The following ZC3H18 variants were observed in gnomAD, a reference collection of about 807,000 sequenced individuals.
ZC3H18 encodes the protein zinc finger CCCH-type containing 18, also known as zinc finger CCCH domain-containing protein 18.
Under a neutral mutation model 106.1 loss-of-function variants are expected in ZC3H18, and 8 were observed. The observed-to-expected ratio is 0.08, with a 90% CI of 0.04 to 0.14. ZC3H18 has a LOEUF of 0.14. ZC3H18 is among the 10% of genes least tolerant of loss of function. The pLI is 1.00. For missense variants in ZC3H18, 1,318 were observed against 1,278.4 expected (o/e 1.03, Z -0.47); for synonymous variants, 635 against 522.1 (o/e 1.22, Z -2.95).
chr16:88,624,169 G>C, intron 11 of ZC3H18, 107 bp downstream of exon 11: 1 of 1,475,164 alleles, frequency 6.8e-7, no homozygotes, highest in South Asian at 1.3e-5. Context: ...AAAGAGGTGA[G>C]GATGCCTCAG....
intron 8 of ZC3H18, among the ~76,000 whole-genome samples, chr16:88,613,244 TTC>T (rs1905372188): frequency 6.6e-6 from 1 of 152,200 alleles, no homozygotes; most frequent in Non-Finnish European, 1.5e-5. Context: ...CGCATTGCAT[TTC>T]TCTGTTCGTC....
Position 88,611,210 on chromosome 16 carries a change from G to C in ZC3H18, c.1207-58G>C. The C allele has an allele frequency of 4.2e-6, 3 of 715,912 alleles. No individual in the cohort carries two copies. The South Asian group carries it at 4.7e-5, about 11-fold the overall frequency. 44.3% of individuals were successfully genotyped at this position (715,912 alleles called of 1,614,324 possible). On this transcript the variant is annotated intron_variant, in intron 7 of 17. Coordinates refer to ENST00000301011, the MANE Select transcript of ZC3H18 (RefSeq NM_144604.4). ...CGTGGTGTTGGAGCCAAGGCTTTCAGTGCCTCTGTCACCCAAATAACGCAC... is the reference window on the plus strand; with the variant it reads ...CGTGGTGTTGGAGCCAAGGCTTTCACTGCCTCTGTCACCCAAATAACGCAC...
intron 8 of ZC3H18, among the ~76,000 whole-genome samples, chr16:88,621,218 T>G (rs1597356185): frequency 6.9e-6 from 1 of 145,008 alleles, no homozygotes. Flanking sequence ...CTAATTTTTG[T>G]TTTTGTTTTT....
chr16:88,595,535 G>A (rs978192653), intron 3 of ZC3H18, among the ~76,000 whole-genome samples: 3 of 147,870 alleles, frequency 2.0e-5, no homozygotes, highest in Non-Finnish European at 3.0e-5. Flanking sequence ...GGCTGGGGAC[G>A]GTAGCTGACA....
intron 8 of ZC3H18, among the ~76,000 whole-genome samples, chr16:88,618,329 G>A (rs956292512): frequency 1.1e-4 from 17 of 152,236 alleles, no homozygotes; most frequent in Non-Finnish European, 2.1e-4. Context: ...GAACAAGCCA[G>A]GAGAGAAGCT....
At chr16:88,571,754 C>T (rs1297232059) in intron 1 of ZC3H18, 2 of 894,466 alleles carry the variant, frequency 2.2e-6, no homozygotes, top group Non-Finnish European at 2.7e-6. Context: ...GTGAGTACCT[C>T]TTTATCAAGG....
At chr16:88,570,602 C>CCGG (rs1914325959) in intron 1 of ZC3H18, 36 bp downstream of exon 1, 4 of 150,914 alleles carry the variant, frequency 2.7e-5, no homozygotes, top group South Asian at 3.7e-4. Context: ...GGAGGCCGGG[C>CCGG]CGGCGGCGGC....
chr16:88,596,421 C>A (rs1429422141), intron 3 of ZC3H18, among the ~76,000 whole-genome samples: 4 of 152,066 alleles, frequency 2.6e-5, no homozygotes, highest in African/African-American at 9.7e-5. Context: ...GCTGGCAGAT[C>A]ACAAGGTCAG....
At chr16:88,612,261 A>C (rs183996494) in intron 8 of ZC3H18, among the ~76,000 whole-genome samples, 137 of 152,292 alleles carry the variant, frequency 9.0e-4, no homozygotes, top group African/African-American at 3.1e-3. Context: ...ACTTTATTGA[A>C]ATATAATTAA....
Position 88,624,052 on chromosome 16 carries a change from G to A in ZC3H18, c.1888G>A (p.Gly630Arg), listed in dbSNP as rs1442913512. 4.3e-6 allele frequency: 7 copies of A among 1,613,742 alleles called. No individual in the cohort carries two copies. The highest frequency in any genetic ancestry group is 2.2e-5 in the East Asian group (1 of 44,876). Residue 630 changes from glycine (G) to arginine (R), a missense_variant, in exon 11 of 18, where the codon GGG becomes AGG. Gly to Arg is a moderately radical substitution (Grantham distance 125). Around this residue, in one of 6 missense-constraint regions of ZC3H18, gnomAD observed 848 missense variants for 821.7 expected, o/e 1.03. Transcript: ENST00000301011. ...RTKGEPAPPP[G>R]KAGEKSVKKP... The stretch of plus-strand genomic sequence containing the variant: ...CAAGGGAGAGCCGGCCCCGCCGCCC[G>A]GGAAAGCAGGGTGAGTGCCCAGCCT...
At chr16:88,590,718 C>G (rs888603915) in intron 3 of ZC3H18, among the ~76,000 whole-genome samples, 6 of 151,830 alleles carry the variant, frequency 4.0e-5, no homozygotes, top group African/African-American at 1.5e-4. Context: ...TGCCACCACC[C>G]CCAACTCATT....
At chr16:88,625,398 G>C in intron 13 of ZC3H18, 131 bp downstream of exon 13, 8 of 1,078,356 alleles carry the variant, frequency 7.4e-6, no homozygotes, top group Non-Finnish European at 9.5e-6. Flanking sequence ...GTCACCCTGG[G>C]GCTGTGGAAG....
Position 88,586,406 on chromosome 16 carries a change from T to C in ZC3H18, c.604-194T>C, listed in dbSNP as rs532226506. ...TCTCCCTGGTGCTGTGGCGGGATGC[T>C]TAGAGCTGCCGGGCACGCTCTGATC... On this transcript the variant is annotated intron_variant, in intron 2 of 17. Coordinates refer to ENST00000301011, the MANE Select transcript of ZC3H18 (RefSeq NM_144604.4). Among the ~76,000 whole-genome samples, 733 of 152,332 alleles carry C rather than the reference T, an allele frequency of 4.8e-3. 2 individuals carry two copies. The highest frequency in any genetic ancestry group is 7.7e-3 in the Non-Finnish European group (526 of 68,022).
chr16:88,621,302 G>T (rs1488421567), intron 8 of ZC3H18, among the ~76,000 whole-genome samples: 4 of 150,500 alleles, frequency 2.7e-5, no homozygotes, highest in Non-Finnish European at 5.9e-5. Context: ...TCGGCTCACT[G>T]CAAGCTCCAC....
intron 13 of ZC3H18, chr16:88,625,760 G>A (rs1437526216): frequency 6.2e-6 from 1 of 160,330 alleles, no homozygotes; most frequent in Non-Finnish European, 1.4e-5. Context: ...AGCACCGTGG[G>A]AGGCCAAGGC....
chr16:88,624,393 G>A, intron 11 of ZC3H18: 3 of 784,298 alleles, frequency 3.8e-6, no homozygotes, highest in Non-Finnish European at 6.0e-6. Flanking sequence ...TGTTAGAGGG[G>A]AGCCTGGAAG....
chr16:88,617,722 C>T (rs895804517), intron 8 of ZC3H18, among the ~76,000 whole-genome samples: 2 of 152,370 alleles, frequency 1.3e-5, no homozygotes, highest in Non-Finnish European at 2.9e-5. Flanking sequence ...CACTCGCCCC[C>T]CAGCACCTAC....
chr16:88,619,006 G>T (rs967563906), intron 8 of ZC3H18, among the ~76,000 whole-genome samples: 3 of 152,140 alleles, frequency 2.0e-5, no homozygotes, highest in African/African-American at 7.2e-5. Context: ...TATCTGCCTG[G>T]TTTTTCCAAG....
Position 88,631,115 on chromosome 16 carries a change from C to T in ZC3H18, c.2678C>T (p.Ser893Leu). The T allele has an allele frequency of 1.9e-6, 3 of 1,612,334 alleles. No homozygotes were observed. The highest frequency in any genetic ancestry group is 2.5e-6 in the Non-Finnish European group (3 of 1,180,028). Residue 893 changes from serine (S) to leucine (L), a missense_variant, in exon 18 of 18, where the codon TCA becomes TTA. By Grantham distance (145) the Ser-to-Leu change is moderately radical. Around this residue, in one of 6 missense-constraint regions of ZC3H18, gnomAD observed 848 missense variants for 821.7 expected, o/e 1.03. Coordinates refer to ENST00000301011, the MANE Select transcript of ZC3H18 (RefSeq NM_144604.4). Reference protein sequence around the residue: ...AAPADRKRQLSPQSKSSSKVT... With the variant: ...AAPADRKRQLLPQSKSSSKVT... The stretch of plus-strand genomic sequence containing the variant: ...CCCCCTTGTAGGAAGCGCCAGCTGT[C>T]ACCCCAGTCCAAGAGCTCCAGCAAG...
Sources: allele counts gnomAD v4.1 joint callset (sites outside exome capture counted in the v4.1 genomes callset), GRCh38; gene constraint gnomAD v4.1.1; regional missense constraint gnomAD v4.1.1; transcripts MANE v1.5; gene names NCBI Gene and HGNC (gene_info 2026-07-23, HGNC 2026-07-21).